ANK3: variants seen among roughly 807,000 people sequenced by gnomAD.
ANK3 encodes ankyrin 3, also known as ankyrin-3.
Under a neutral mutation model 370.9 loss-of-function variants are expected in ANK3, and 57 were observed. The observed-to-expected ratio is 0.15, with a 90% CI of 0.12 to 0.19. The LOEUF (loss-of-function observed/expected upper bound fraction) is 0.19. Ranked by LOEUF, ANK3 falls within the 10% of genes least tolerant of loss-of-function variation. The pLI is 1.00. For missense variants in ANK3, 4,439 were observed against 5,302.1 expected, an observed-to-expected ratio of 0.84 and a Z score of 5.06; for synonymous variants, 1,929 against 1,946.3, an observed-to-expected ratio of 0.99 and a Z score of 0.23.
chr10:60,517,795 A>C, intron 2 of ANK3, among the ~76,000 whole-genome samples: 1 of 141,568 alleles, frequency 7.1e-6, no homozygotes, highest in Non-Finnish European at 1.5e-5. Context: ...GCTCTGTATA[A>C]AACAAGATGA....
intron 2 of ANK3, among the ~76,000 whole-genome samples, chr10:60,445,491 A>C (rs2064419339): frequency 6.6e-6 from 1 of 152,174 alleles, no homozygotes; most frequent in South Asian, 2.1e-4. Flanking sequence ...GATTTAAAAA[A>C]AAAAATCAGG....
chr10:60,386,357 C>A (rs931234953), intron 1 of ANK3, among the ~76,000 whole-genome samples: 7 of 149,186 alleles, frequency 4.7e-5, no homozygotes, highest in Non-Finnish European at 8.9e-5. Flanking sequence ...CTCATTCAAA[C>A]TTTTTTTTTT....
At chr10:60,195,770 T>G (rs2096577172) in intron 16 of ANK3, among the ~76,000 whole-genome samples, 1 of 152,104 alleles carries the variant, frequency 6.6e-6, no homozygotes, top group African/African-American at 2.4e-5. Context: ...TAAATGCAAA[T>G]AAACAACTTG....
chr10:60,150,705 C>T (rs1262290982), intron 23 of ANK3, among the ~76,000 whole-genome samples: 1 of 152,128 alleles, frequency 6.6e-6, no homozygotes, highest in East Asian at 1.9e-4. Context: ...CTCTCTCTTG[C>T]TCCCTCTCTT....
intron 28 of ANK3, 137 bp downstream of exon 28, chr10:60,105,768 A>G: frequency 1.2e-6 from 1 of 816,148 alleles, no homozygotes; most frequent in South Asian, 2.5e-5. Context: ...TATAGAAAAC[A>G]GCAACAAAAG....
chr10:60,042,811 T>C (rs753481215), intron 42 of ANK3, 52 bp from the exon 43 acceptor site: 2 of 1,461,942 alleles, frequency 1.4e-6, no homozygotes, highest in South Asian at 2.3e-5. Context: ...GTGTTAGTTA[T>C]AAAGCAGTCC....
chr10:60,426,945 T>C (rs1434974309), intron 2 of ANK3, among the ~76,000 whole-genome samples: 1 of 152,270 alleles, frequency 6.6e-6, no homozygotes, highest in Non-Finnish European at 1.5e-5. Flanking sequence ...TCAATGGCAG[T>C]GAACTTGGAG....
Position 60,375,639 on chromosome 10 carries a change from G to A in ANK3, c.114+13786C>T, listed in dbSNP as rs146325461. On this transcript the variant is annotated intron_variant, in intron 1 of 43. Coordinates refer to ENST00000280772, the MANE Select transcript of ANK3 (RefSeq NM_020987.5). The stretch of plus-strand genomic sequence containing the variant: ...GATCTGGGAAATACCACCACACTTC[G>A]CTAGAACCCAAGCCTCCTGCCCCAC... Among the ~76,000 whole-genome samples, 10 of 152,244 alleles carry A rather than the reference G, an allele frequency of 6.6e-5. No homozygotes were observed. The East Asian group carries it at 1.5e-3, about 24-fold the overall frequency.
chr10:60,278,068 T>C (rs1341534884), intron 4 of ANK3, among the ~76,000 whole-genome samples: 1 of 152,216 alleles, frequency 6.6e-6, no homozygotes, highest in Non-Finnish European at 1.5e-5. Context: ...TGATAAATGA[T>C]AACCTATTGG....
At chr10:60,280,511 C>T (rs1355143218) in intron 1 of ANK3, among the ~76,000 whole-genome samples, 2 of 152,180 alleles carry the variant, frequency 1.3e-5, no homozygotes, top group African/African-American at 4.8e-5. Context: ...TCATTGAAAG[C>T]TTGCAACATT....
At chr10:60,694,551 A>G (rs1332620059) in intron 1 of ANK3, among the ~76,000 whole-genome samples, 5 of 152,206 alleles carry the variant, frequency 3.3e-5, no homozygotes, top group East Asian at 3.9e-4. Context: ...CGGATCTCTC[A>G]GCAGAAACTC....
At chr10:60,370,832 T>C (rs542701419) in intron 1 of ANK3, among the ~76,000 whole-genome samples, 94 of 152,266 alleles carry the variant, frequency 6.2e-4, no homozygotes, top group Non-Finnish European at 9.7e-4. Context: ...CTCTGAAAAC[T>C]CAAGCTAAAC....
At chr10:60,082,927 G>A (rs2085643952) in intron 33 of ANK3, among the ~76,000 whole-genome samples, 190 bp from the exon 34 acceptor site, 1 of 152,200 alleles carries the variant, frequency 6.6e-6, no homozygotes, top group African/African-American at 2.4e-5. Context: ...TTAGATGCCC[G>A]ATTCCTAAAC....
intron 7 of ANK3, among the ~76,000 whole-genome samples, chr10:60,238,237 T>C (rs2097365062): frequency 6.6e-6 from 1 of 152,180 alleles, no homozygotes; most frequent in Non-Finnish European, 1.5e-5. Flanking sequence ...GCACTTCCAC[T>C]GTCTAAGCAA....
intron 9 of ANK3, among the ~76,000 whole-genome samples, chr10:60,208,841 A>C (rs2096803436): frequency 6.6e-6 from 1 of 152,220 alleles, no homozygotes; most frequent in African/African-American, 2.4e-5. Flanking sequence ...AAGAAAGGAA[A>C]ACTTTTCCCT....
At chr10:60,085,700 C>G (rs1166490825) in intron 30 of ANK3, among the ~76,000 whole-genome samples, 1 of 150,956 alleles carries the variant, frequency 6.6e-6, no homozygotes, top group African/African-American at 2.4e-5. Flanking sequence ...ACTGCAACCT[C>G]CGCCTCCTGG....
intron 2 of ANK3, among the ~76,000 whole-genome samples, chr10:60,450,233 G>A (rs1320543476): frequency 1.3e-5 from 2 of 152,174 alleles, no homozygotes; most frequent in Non-Finnish European, 2.9e-5. Flanking sequence ...GTTGGAGGCT[G>A]CAGTGAGTTG....
intron 2 of ANK3, among the ~76,000 whole-genome samples, chr10:60,525,398 T>C (rs2076444701): frequency 6.6e-6 from 1 of 152,152 alleles, no homozygotes; most frequent in South Asian, 2.1e-4. Context: ...TTGCATTTAA[T>C]ACACATGTTG....
chr10:60,059,115 T>G (rs2079810216), intron 41 of ANK3, among the ~76,000 whole-genome samples: 1 of 152,222 alleles, frequency 6.6e-6, no homozygotes, highest in Non-Finnish European at 1.5e-5. Flanking sequence ...ATCTTGGGCA[T>G]GTATGTAAAT....
Sources: gnomAD v4.1 joint callset for allele counts (sites outside exome capture counted in the v4.1 genomes callset) on GRCh38, gnomAD v4.1.1 for gene constraint, MANE v1.5 for transcripts, NCBI Gene and HGNC (gene_info 2026-07-23, HGNC 2026-07-21) for gene names.